Variants in CCDC30 observed in about 807,000 individuals in gnomAD.
CCDC30 encodes the protein coiled-coil domain containing 30.
A neutral mutation model predicts 100.2 loss-of-function variants in CCDC30; 70 were observed. That is an observed-to-expected ratio of 0.70 (90% CI 0.58 to 0.85). CCDC30 has a LOEUF of 0.85. Among genes scored for constraint, CCDC30 ranks in the 40% least tolerant of loss-of-function variants. The probability of loss-of-function intolerance (pLI) is 0.00; values close to 1 mark genes in which losing one functional copy is unlikely to be tolerated. For missense variants in CCDC30, 652 were observed against 771.2 expected (o/e 0.85, Z 1.83); for synonymous variants, 233 against 269.5 (o/e 0.86, Z 1.33).
rs148107116 is a variant in CCDC30 at position 42,540,371 on chromosome 1, TATC to T, written c.457-25920_457-25918del. Among the ~76,000 whole-genome samples, 344 of 152,202 alleles carry T rather than the reference TATC, an allele frequency of 2.3e-3. 2 individuals carry two copies. Among genetic ancestry groups the T allele is most frequent in the African/African-American group, 7.9e-3 (327 of 41,520 alleles). On this transcript the variant is annotated intron_variant, in intron 6 of 16. Transcript: ENST00000668663. ...GTGGGACCTTGTCAGCAAGGTAAGT[TATC>T]ATCACGTTGTACAGTTAAAGGGCCA...
intron 15 of CCDC30, among the ~76,000 whole-genome samples, chr1:42,651,760 G>A (rs1454045342): frequency 6.6e-6 from 1 of 152,068 alleles, no homozygotes; most frequent in Admixed American, 6.6e-5. Flanking sequence ...TGTGGTTGTA[G>A]CTTCTCAGGA....
intron 2 of CCDC30, 29 bp from the exon 3 acceptor site, chr1:42,482,629 CTTTGT>C: frequency 8.3e-7 from 1 of 1,207,962 alleles, no homozygotes; most frequent in Non-Finnish European, 1.0e-6. Flanking sequence ...TACATTTGCT[CTTTGT>C]TTTATTACTA....
At chr1:42,492,988 T>C (rs1468820011) in intron 4 of CCDC30, among the ~76,000 whole-genome samples, 1 of 151,900 alleles carries the variant, frequency 6.6e-6, no homozygotes, top group Non-Finnish European at 1.5e-5. Context: ...GAGAAAAAAA[T>C]TAAGAGAGAT....
chr1:42,636,965 CAAAAAAAAAAAAAAA>C (rs1166253995), intron 11 of CCDC30, among the ~76,000 whole-genome samples: 3 of 29,508 alleles, frequency 1.0e-4, no homozygotes, highest in East Asian at 1.4e-3. Flanking sequence ...GACTCCATCT[CAAAAAAAAAAAAAAA>C]AAAAAAAAAA....
chr1:42,575,014 A>G (rs1645804363), intron 7 of CCDC30, among the ~76,000 whole-genome samples: 1 of 152,196 alleles, frequency 6.6e-6, no homozygotes, highest in Admixed American at 6.5e-5. Context: ...CATATTACAG[A>G]TGAAGAAACT....
chr1:42,497,038 A>T, intron 4 of CCDC30, 60 bp from the exon 5 acceptor site: 2 of 848,442 alleles, frequency 2.4e-6, no homozygotes, highest in Non-Finnish European at 3.1e-6. Flanking sequence ...TTTTAGAGTT[A>T]GTGCCCCTGA....
chr1:42,466,173 A>G (rs2148431457), intron 1 of CCDC30, among the ~76,000 whole-genome samples: 1 of 152,194 alleles, frequency 6.6e-6, no homozygotes, highest in East Asian at 1.9e-4. Flanking sequence ...CTGACAGCAT[A>G]TTTCAGTTTT....
intron 6 of CCDC30, chr1:42,542,924 A>AGTC (rs1645045026): frequency 6.5e-6 from 1 of 153,732 alleles, no homozygotes; most frequent in African/African-American, 2.4e-5. Flanking sequence ...TTAAGTGACT[A>AGTC]ACATTTATTA....
upstream of CCDC30, among the ~76,000 whole-genome samples, chr1:42,459,053 G>T (rs1557777752): frequency 1.3e-5 from 2 of 152,100 alleles, no homozygotes. Flanking sequence ...TGGTGGTAAG[G>T]TTGGCAGAGC....
intron 6 of CCDC30, among the ~76,000 whole-genome samples, chr1:42,522,341 T>A (rs1644661436): frequency 6.6e-6 from 1 of 152,174 alleles, no homozygotes; most frequent in Non-Finnish European, 1.5e-5. Flanking sequence ...CCATTTACAT[T>A]TAAAATAATT....
chr1:42,621,433 A>G (rs565254290), intron 11 of CCDC30, among the ~76,000 whole-genome samples: 5 of 151,920 alleles, frequency 3.3e-5, no homozygotes, highest in East Asian at 3.9e-4. Flanking sequence ...CTTCCACTTC[A>G]GCCTCCACAG....
At chr1:42,501,944 A>C (rs1024420208) in intron 6 of CCDC30, among the ~76,000 whole-genome samples, 1 of 152,200 alleles carries the variant, frequency 6.6e-6, no homozygotes, top group African/African-American at 2.4e-5. Context: ...CTCAGATCTC[A>C]AACTCCGTGC....
At chr1:42,565,476 A>C (rs1006981527) in intron 6 of CCDC30, among the ~76,000 whole-genome samples, 1 of 152,204 alleles carries the variant, frequency 6.6e-6, no homozygotes, top group African/African-American at 2.4e-5. Flanking sequence ...GCAAATTAAA[A>C]CCACAATGAA....
chr1:42,491,901 A>G, intron 4 of CCDC30: 1 of 494,478 alleles, frequency 2.0e-6, no homozygotes, highest in South Asian at 3.0e-5. Context: ...GACTCGAGGA[A>G]CCAAAATTGC....
chr1:42,543,164 G>A (rs966947916), intron 6 of CCDC30, among the ~76,000 whole-genome samples: 18 of 151,794 alleles, frequency 1.2e-4, no homozygotes, highest in Admixed American at 3.3e-4. Context: ...TAGTAGAGAC[G>A]GGATTTCACT....
At chr1:42,630,081 T>C (rs1647009215) in intron 11 of CCDC30, among the ~76,000 whole-genome samples, 1 of 150,724 alleles carries the variant, frequency 6.6e-6, no homozygotes, top group Non-Finnish European at 1.5e-5. Context: ...TTCAAGCGAT[T>C]CTCCTGCCTC....
intron 15 of CCDC30, among the ~76,000 whole-genome samples, chr1:42,650,497 ATGTGTGTGTGTGTG>A (rs57051349): frequency 5.7e-4 from 78 of 136,292 alleles, no homozygotes; most frequent in Admixed American, 1.4e-3. Context: ...AAAAATATAT[ATGTGTGTGTGTGTG>A]TGTGTGTGTG....
chr1:42,568,051 CAGGCACCTATGAAAGTTATATATGA>C (rs1645644818), intron 7 of CCDC30, among the ~76,000 whole-genome samples: 1 of 152,046 alleles, frequency 6.6e-6, no homozygotes, highest in African/African-American at 2.4e-5. Context: ...CTCCTTTGGC[CAGGCACCTATGAAAGTTATATATGA>C]TGAGTATCCT....
chr1:42,496,812 A>G (rs1644239682), intron 4 of CCDC30, among the ~76,000 whole-genome samples: 1 of 152,234 alleles, frequency 6.6e-6, no homozygotes, highest in Non-Finnish European at 1.5e-5. Context: ...TAGGTCCTAG[A>G]AGAACCTCTA....
Sources: gnomAD v4.1 joint callset for allele counts (sites outside exome capture counted in the v4.1 genomes callset) on GRCh38, gnomAD v4.1.1 for gene constraint, MANE v1.5 for transcripts, NCBI Gene and HGNC (gene_info 2026-07-23, HGNC 2026-07-21) for gene names.